The following KIAA0232 variants were observed in gnomAD, a reference collection of about 807,000 sequenced individuals.
The protein encoded by KIAA0232 is KIAA0232, also known as uncharacterized protein KIAA0232.
Under a neutral mutation model 122.0 loss-of-function variants are expected in KIAA0232, and 27 were observed. That is an observed-to-expected ratio of 0.22 (90% CI 0.16 to 0.31). The LOEUF (loss-of-function observed/expected upper bound fraction) is 0.31, where lower values mean the gene tolerates loss of function less well. Among genes scored for constraint, KIAA0232 ranks in the 10% least tolerant of loss-of-function variants. The pLI is 1.00. For missense variants in KIAA0232, 1,551 were observed against 1,634.2 expected (o/e 0.95, Z 0.88); for synonymous variants, 613 against 587.6 (o/e 1.04, Z -0.63).
intron 4 of KIAA0232, 65 bp from the exon 5 acceptor site, chr4:6,857,099 G>A: frequency 8.3e-7 from 1 of 1,198,028 alleles, no homozygotes; most frequent in South Asian, 1.8e-5. Context: ...TAAAACAAAA[G>A]TATACAAATA....
At chr4:6,838,074 C>A (rs1054798779) in intron 3 of KIAA0232, among the ~76,000 whole-genome samples, 16 of 152,086 alleles carry the variant, frequency 1.1e-4, no homozygotes, top group Non-Finnish European at 7.4e-5. Context: ...GGATTTCTAA[C>A]CTGTAGTGTT....
chr4:6,879,451 C>T (rs1365106573), intron 9 of KIAA0232, among the ~76,000 whole-genome samples: 3 of 152,264 alleles, frequency 2.0e-5, no homozygotes, highest in Admixed American at 1.3e-4. Context: ...CCAAACTCCC[C>T]GCCACGCCTC....
Position 6,863,469 on chromosome 4 carries a change from A to G in KIAA0232, c.3087A>G (p.Gln1029=), listed in dbSNP as rs1720997695. The change falls in exon 7 of 10, where the codon CAA becomes CAG. Residue 1029 remains glutamine (Q), a synonymous_variant. Coordinates refer to ENST00000307659, the MANE Select transcript of KIAA0232 (RefSeq NM_014743.3). ...EDLLGACGNF[Q]VEDPGLEYSF... ...TACTAGGAGCTTGTGGCAACTTTCA[A>G]GTCGAAGATCCTGGACTTGAATACT... 5 of 1,614,088 alleles carry G rather than the reference A, an allele frequency of 3.1e-6. No homozygotes were observed. The highest frequency in any genetic ancestry group is 2.7e-5 in the African/African-American group (2 of 74,928).
chr4:6,814,319 A>C (rs957678909), intron 2 of KIAA0232, among the ~76,000 whole-genome samples: 1 of 151,926 alleles, frequency 6.6e-6, no homozygotes, highest in African/African-American at 2.4e-5. Flanking sequence ...CTGAAAGAGG[A>C]AAGGCCCTGA....
chr4:6,821,450 G>A (rs949545354), intron 2 of KIAA0232, among the ~76,000 whole-genome samples: 12 of 151,876 alleles, frequency 7.9e-5, no homozygotes, highest in African/African-American at 1.7e-4. Context: ...CTTAGCTCCC[G>A]CTTGTGAGTG....
intron 7 of KIAA0232, chr4:6,866,205 A>C: frequency 1.0e-6 from 1 of 983,388 alleles, no homozygotes; most frequent in Non-Finnish European, 1.2e-6. Context: ...GGGAAGAAAG[A>C]AAAAGAGGAA....
At chr4:6,802,464 T>C (rs909431711) in intron 1 of KIAA0232, among the ~76,000 whole-genome samples, 11 of 152,204 alleles carry the variant, frequency 7.2e-5, no homozygotes. Context: ...TTGATTGATT[T>C]CATTTGACTC....
At chr4:6,842,759 T>G (rs1004338756) in intron 4 of KIAA0232, among the ~76,000 whole-genome samples, 13 of 152,090 alleles carry the variant, frequency 8.5e-5, no homozygotes, top group Admixed American at 6.5e-5. Context: ...CTAATTTTTT[T>G]GCATTTTTTA....
chr4:6,790,136 T>C (rs1017745243), intron 1 of KIAA0232, among the ~76,000 whole-genome samples: 2 of 152,210 alleles, frequency 1.3e-5, no homozygotes, highest in Non-Finnish European at 2.9e-5. Flanking sequence ...CTTGTTAATA[T>C]ACATTAAGCA....
chr4:6,830,398 G>A (rs1718903548), intron 3 of KIAA0232, among the ~76,000 whole-genome samples: 1 of 133,274 alleles, frequency 7.5e-6, no homozygotes, highest in Admixed American at 8.0e-5. Context: ...TGCCTTCTCT[G>A]TTGTCTTTTT....
chr4:6,824,516 T>C lies in KIAA0232; in HGVS notation c.63T>C (p.Tyr21=), dbSNP rs749657450. 4 of 1,614,228 alleles carry C rather than the reference T, an allele frequency of 2.5e-6. No individual in the cohort carries two copies. The highest frequency in any genetic ancestry group is 1.1e-5 in the South Asian group (1 of 91,088). ...CATCTGAAAGCTCCTCAAGTTCTTA[T>C]CCAGGCCCTGTGTCTGTTTCTGAAA... is the stretch of plus-strand genomic sequence containing the variant. ...GLPSESSSSS[Y]PGPVSVSEMS... The change falls in exon 3 of 10, where the codon TAT becomes TAC. Residue 21 remains tyrosine (Y), a synonymous_variant. Coordinates refer to ENST00000307659, the MANE Select transcript of KIAA0232 (RefSeq NM_014743.3).
chr4:6,835,237 G>A (rs1719199632), intron 3 of KIAA0232, among the ~76,000 whole-genome samples: 1 of 152,140 alleles, frequency 6.6e-6, no homozygotes, highest in Non-Finnish European at 1.5e-5. Context: ...AAGAGAATCA[G>A]GTAGAAGCTT....
intron 2 of KIAA0232, among the ~76,000 whole-genome samples, chr4:6,806,767 T>C (rs918483475): frequency 7.0e-6 from 1 of 141,972 alleles, no homozygotes; most frequent in African/African-American, 2.6e-5. Context: ...AAAAAAAGAA[T>C]TAAAACAATA....
Position 6,881,370 on chromosome 4 carries a change from A to G in KIAA0232, c.*404A>G. ...TCTTCAGAGACTTCAGCTTTGGAGC[A>G]TTTAGGCTTTGTTCTCCAAGAACTG... On this transcript the variant is annotated 3_prime_UTR_variant, in exon 10 of 10. Transcript: ENST00000307659. 1 of 153,700 alleles carries G rather than the reference A, an allele frequency of 6.5e-6. No homozygotes were observed. The highest frequency in any genetic ancestry group is 1.4e-5 in the Non-Finnish European group (1 of 68,990). The allele number at this position is 153,700 out of a possible 1,614,324, so 9.5% of individuals were successfully genotyped here. A position where few individuals can be genotyped will look rare whatever the true frequency, so the allele number is the denominator to read the frequency against.
chr4:6,814,133 CGTA>C (rs1718006301), intron 2 of KIAA0232, among the ~76,000 whole-genome samples: 1 of 152,064 alleles, frequency 6.6e-6, no homozygotes, highest in Non-Finnish European at 1.5e-5. Context: ...TTGGGGATAA[CGTA>C]GTTTAAATGT....
At chr4:6,864,558 G>T (rs1289588725) in intron 7 of KIAA0232, among the ~76,000 whole-genome samples, 3 of 151,848 alleles carry the variant, frequency 2.0e-5, no homozygotes, top group Non-Finnish European at 4.4e-5. Context: ...GGCCAACATG[G>T]TGAGACCCCG....
At chr4:6,877,444 A>G (rs962071171) in intron 9 of KIAA0232, among the ~76,000 whole-genome samples, 5 of 152,204 alleles carry the variant, frequency 3.3e-5, no homozygotes, top group Non-Finnish European at 7.3e-5. Context: ...TCAGTGTATT[A>G]GGGTTCTCCA....
chr4:6,783,518 C>G (rs1455572050), intron 1 of KIAA0232, among the ~76,000 whole-genome samples: 1 of 152,154 alleles, frequency 6.6e-6, no homozygotes, highest in Non-Finnish European at 1.5e-5. Flanking sequence ...GCAGCGGGGT[C>G]AGGCCGGCAG....
At position 6,862,191 on chromosome 4, in the gene KIAA0232, G is replaced by A; in HGVS notation, c.1809G>A (p.Gly603=). 6.2e-7 allele frequency: 1 copy of A among 1,614,102 alleles called. No individual in the cohort carries two copies. The highest frequency in any genetic ancestry group is 8.5e-7 in the Non-Finnish European group (1 of 1,180,018). Residue 603 remains glycine, a synonymous_variant, in exon 7 of 10, where the codon GGG becomes GGA. Transcript: ENST00000307659. ...CCSSSSGDAD[G]ESFGGDSPVR... ...CATCCAGCTCCGGTGATGCTGATGGGGAGAGTTTTGGAGGAGACTCTCCAG... is the reference window on the plus strand; with the variant it reads ...CATCCAGCTCCGGTGATGCTGATGGAGAGAGTTTTGGAGGAGACTCTCCAG...
Sources: allele counts gnomAD v4.1 joint callset (sites outside exome capture counted in the v4.1 genomes callset), GRCh38; gene constraint gnomAD v4.1.1; transcripts MANE v1.5; gene names NCBI Gene and HGNC (gene_info 2026-07-23, HGNC 2026-07-21).